Variants in PKP4 observed in about 807,000 individuals in gnomAD.
PKP4 encodes plakophilin 4, also known as plakophilin-4.
A neutral mutation model predicts 145.1 loss-of-function variants in PKP4; 90 were observed. The ratio of observed to expected loss-of-function variants is 0.62; its 90% CI spans 0.52 to 0.74. The LOEUF (loss-of-function observed/expected upper bound fraction) is 0.74, where lower values mean the gene tolerates loss of function less well. PKP4 is among the 30% of genes least tolerant of loss of function. The probability of loss-of-function intolerance (pLI) is 0.00; values close to 1 mark genes in which losing one functional copy is unlikely to be tolerated. For missense variants in PKP4, 1,340 were observed against 1,482.7 expected, an observed-to-expected ratio of 0.90 and a Z score of 1.58; for synonymous variants, 563 against 577.2, an observed-to-expected ratio of 0.98 and a Z score of 0.35.
intron 11 of PKP4, among the ~76,000 whole-genome samples, chr2:158,652,720 CCAGGAGCTGGGG>C (rs1425488360): frequency 6.6e-6 from 1 of 152,114 alleles, no homozygotes; most frequent in Non-Finnish European, 1.5e-5. Context: ...TGCAGAATAG[CCAGGAGCTGGGG>C]CAGGAGGTGG....
chr2:158,478,415 T>TTG (rs1388392655), intron 1 of PKP4, among the ~76,000 whole-genome samples: 2 of 152,158 alleles, frequency 1.3e-5, no homozygotes, highest in African/African-American at 4.8e-5. Context: ...TTTTACATTC[T>TTG]TGTGTTTAAA....
At chr2:158,582,323 T>C (rs2048399645) in intron 3 of PKP4, among the ~76,000 whole-genome samples, 1 of 152,218 alleles carries the variant, frequency 6.6e-6, no homozygotes, top group Non-Finnish European at 1.5e-5. Flanking sequence ...GCATTTGTTC[T>C]GAATATGCTA....
chr2:158,667,945 T>C (rs980302077), intron 16 of PKP4, among the ~76,000 whole-genome samples: 4 of 152,234 alleles, frequency 2.6e-5, no homozygotes, highest in African/African-American at 9.6e-5. Context: ...GCATTTTTAA[T>C]GCTAAAAAAT....
intron 10 of PKP4, among the ~76,000 whole-genome samples, chr2:158,641,129 G>A (rs1419069620): frequency 6.6e-6 from 1 of 152,124 alleles, no homozygotes; most frequent in East Asian, 1.9e-4. Flanking sequence ...CTGAGGTCCG[G>A]AATTCAAGAC....
At chr2:158,543,904 G>A (rs1018664670) in intron 2 of PKP4, among the ~76,000 whole-genome samples, 2 of 152,076 alleles carry the variant, frequency 1.3e-5, no homozygotes, top group African/African-American at 4.8e-5. Context: ...ACTTACTATG[G>A]GTATCACTGT....
chr2:158,514,412 G>T (rs1386324970), intron 1 of PKP4, among the ~76,000 whole-genome samples: 1 of 152,186 alleles, frequency 6.6e-6, no homozygotes, highest in Non-Finnish European at 1.5e-5. Context: ...TCAAAAAGCT[G>T]TTTGGAGATG....
chr2:158,578,951 A>G (rs912047145), intron 3 of PKP4, among the ~76,000 whole-genome samples: 1 of 152,238 alleles, frequency 6.6e-6, no homozygotes, highest in African/African-American at 2.4e-5. Context: ...AGTAAGCACT[A>G]GAGGTGGATT....
chr2:158,485,370 A>G (rs1487430688), intron 1 of PKP4, among the ~76,000 whole-genome samples: 1 of 152,256 alleles, frequency 6.6e-6, no homozygotes, highest in Non-Finnish European at 1.5e-5. Flanking sequence ...AGAAGTACGT[A>G]GGAAATGGCA....
chr2:158,555,346 A>G (rs775188377), intron 2 of PKP4, among the ~76,000 whole-genome samples: 8 of 152,220 alleles, frequency 5.3e-5, no homozygotes, highest in Admixed American at 1.3e-4. Flanking sequence ...ACATGTGTAT[A>G]TTAAAGAAAT....
At position 158,599,611 on chromosome 2, in the gene PKP4, T is replaced by C. The variant is rs569740344; in HGVS notation, c.246-3459T>C. Among the ~76,000 whole-genome samples the C allele has an allele frequency of 5.3e-5, 8 of 152,284 alleles. No homozygotes were observed. In the South Asian group the frequency reaches 1.5e-3, roughly 28 times the overall value. ...CAGAGGGCTACTTTGTCTTTGTTAG[T>C]TTTAGGATAACATCAGTCAGGATTT... On this transcript the variant is annotated intron_variant, in intron 3 of 21. Coordinates refer to ENST00000389759, the MANE Select transcript of PKP4 (RefSeq NM_003628.6).
chr2:158,629,096 GATA>G (rs2053101523), intron 7 of PKP4, among the ~76,000 whole-genome samples: 1 of 152,172 alleles, frequency 6.6e-6, no homozygotes, highest in Non-Finnish European at 1.5e-5. Flanking sequence ...TGCTAAAAAT[GATA>G]ATAATAATGA....
At chr2:158,566,401 A>G (rs950298578) in intron 2 of PKP4, among the ~76,000 whole-genome samples, 2 of 152,076 alleles carry the variant, frequency 1.3e-5, no homozygotes, top group African/African-American at 4.8e-5. Context: ...GACTATTATC[A>G]TATACTGTGT....
chr2:158,615,243 T>A (rs2051488621), intron 4 of PKP4, among the ~76,000 whole-genome samples: 1 of 152,114 alleles, frequency 6.6e-6, no homozygotes, highest in African/African-American at 2.4e-5. Context: ...AAAAATATTT[T>A]AGAGTGATTT....
At chr2:158,670,628 T>C (rs1276755567) in intron 17 of PKP4, among the ~76,000 whole-genome samples, 1 of 152,200 alleles carries the variant, frequency 6.6e-6, no homozygotes, top group Non-Finnish European at 1.5e-5. Context: ...GTCTCTCTGC[T>C]CCAGGCCTGA....
intron 2 of PKP4, among the ~76,000 whole-genome samples, chr2:158,569,868 G>A (rs559583552): frequency 2.0e-5 from 3 of 152,122 alleles, no homozygotes; most frequent in African/African-American, 4.8e-5. Context: ...GAATCTCCTG[G>A]GCAGCATTTC....
chr2:158,463,911 T>C (rs1011684204), intron 1 of PKP4, among the ~76,000 whole-genome samples: 2 of 152,140 alleles, frequency 1.3e-5, no homozygotes, highest in African/African-American at 4.8e-5. Flanking sequence ...GGTGAAGTGC[T>C]CCAGGAGTGA....
chr2:158,676,877 C>A lies in PKP4; in HGVS notation c.3256+10C>A. Reference sequence around the variant, plus strand: ...AAAGGCCTGTACCCTGGTAAGACGCCAGTTGGGTGTGTGATACAGTCTCTT... The same window carrying A: ...AAAGGCCTGTACCCTGGTAAGACGCAAGTTGGGTGTGTGATACAGTCTCTT... On this transcript the variant is annotated intron_variant, in intron 20 of 21. Coordinates refer to ENST00000389759, the MANE Select transcript of PKP4 (RefSeq NM_003628.6). The A allele has an allele frequency of 6.2e-7, 1 of 1,613,960 alleles. No individual in the cohort carries two copies. The highest frequency in any genetic ancestry group is 8.5e-7 in the Non-Finnish European group (1 of 1,179,970).
At chr2:158,461,431 A>G (rs1000529292) in intron 1 of PKP4, among the ~76,000 whole-genome samples, 4 of 152,222 alleles carry the variant, frequency 2.6e-5, no homozygotes, top group African/African-American at 4.8e-5. Flanking sequence ...TGACTCATAT[A>G]TAATGATTCA....
intron 4 of PKP4, among the ~76,000 whole-genome samples, chr2:158,608,031 T>C (rs1558878467): frequency 6.6e-6 from 1 of 152,218 alleles, no homozygotes; most frequent in Non-Finnish European, 1.5e-5. Context: ...AATTTAATTG[T>C]ACATTTCAAA....
Sources: gnomAD v4.1 joint callset for allele counts (sites outside exome capture counted in the v4.1 genomes callset) on GRCh38, gnomAD v4.1.1 for gene constraint, MANE v1.5 for transcripts, NCBI Gene and HGNC (gene_info 2026-07-23, HGNC 2026-07-21) for gene names.